Variants in LRRFIP2 observed in about 807,000 individuals in gnomAD.
LRRFIP2 encodes LRR binding FLII interacting protein 2, also known as leucine-rich repeat flightless-interacting protein 2.
In LRRFIP2, 109 loss-of-function variants were observed where a neutral mutation model predicts 125.9. The ratio of observed to expected loss-of-function variants is 0.87; its 90% confidence interval spans 0.74 to 1.01. The LOEUF (loss-of-function observed/expected upper bound fraction) is 1.01. Among genes scored for constraint, LRRFIP2 ranks in the 50% least tolerant of loss-of-function variants. The probability of loss-of-function intolerance (pLI) is 0.00; values close to 1 mark genes in which losing one functional copy is unlikely to be tolerated. For synonymous variants in LRRFIP2, 291 were observed against 293.1 expected (o/e 0.99, Z 0.07); for missense variants, 850 against 862.3 (o/e 0.99, Z 0.18).
intron 17 of LRRFIP2, among the ~76,000 whole-genome samples, chr3:37,094,055 T>A (rs1221592919): frequency 6.6e-6 from 1 of 152,220 alleles, no homozygotes; most frequent in African/African-American, 2.4e-5. Flanking sequence ...ACTACCATTG[T>A]ATAACACCAC....
At chr3:37,102,359 A>G (rs1374618380) in intron 15 of LRRFIP2, among the ~76,000 whole-genome samples, 1 of 152,132 alleles carries the variant, frequency 6.6e-6, no homozygotes, top group African/African-American at 2.4e-5. Context: ...AAATATTGAT[A>G]ATTGTTGCAG....
At chr3:37,125,726 T>C (rs1372225483) in intron 4 of LRRFIP2, among the ~76,000 whole-genome samples, 18 of 152,196 alleles carry the variant, frequency 1.2e-4, no homozygotes, top group Admixed American at 5.9e-4. Context: ...AAAGGTATTA[T>C]AATTAGGGGA....
intron 2 of LRRFIP2, among the ~76,000 whole-genome samples, chr3:37,147,420 A>C (rs1266668294): frequency 6.6e-6 from 1 of 152,258 alleles, no homozygotes; most frequent in Admixed American, 6.5e-5. Flanking sequence ...AGCACTATTC[A>C]CAACAGCAAA....
chr3:37,087,356 T>A (rs2093123094), intron 18 of LRRFIP2, among the ~76,000 whole-genome samples: 1 of 152,158 alleles, frequency 6.6e-6, no homozygotes, highest in Non-Finnish European at 1.5e-5. Flanking sequence ...AAAAAAGTCA[T>A]CACAACTCAG....
At position 37,055,135 on chromosome 3, in the gene LRRFIP2, T is replaced by C. The variant is rs753431366; in HGVS notation, c.1901A>G (p.Lys634Arg). ...RDANRQISEY[K>R]FKLSKAEQDI... Reference sequence around the variant, plus strand: ...CTGTTCTGCTTTTGAAAGCTTAAATTTGTATTCGCTAATTTGTCTATTGGC... The same window carrying C: ...CTGTTCTGCTTTTGAAAGCTTAAATCTGTATTCGCTAATTTGTCTATTGGC... The change falls in exon 26 of 28, where the codon AAA becomes AGA. Residue 634 changes from lysine to arginine, a missense_variant. By Grantham distance (26) the Lys-to-Arg change is conservative. Coordinates refer to ENST00000336686, the MANE Select transcript of LRRFIP2 (RefSeq NM_006309.4). 6.3e-7 allele frequency: 1 copy of C among 1,594,686 alleles called. No individual in the cohort carries two copies. Among genetic ancestry groups the C allele is most frequent in the South Asian group, 1.1e-5 (1 of 88,306 alleles).
At chr3:37,100,249 CAA>C (rs1161658048) in intron 15 of LRRFIP2, among the ~76,000 whole-genome samples, 2 of 151,892 alleles carry the variant, frequency 1.3e-5, no homozygotes, top group Admixed American at 6.6e-5. Context: ...CAGTTGAGCC[CAA>C]GAGTTTGAGG....
At chr3:37,098,779 T>C (rs1008226836) in intron 15 of LRRFIP2, among the ~76,000 whole-genome samples, 7 of 152,210 alleles carry the variant, frequency 4.6e-5, no homozygotes, top group African/African-American at 1.2e-4. Flanking sequence ...TTGCCCAATA[T>C]TTAATGTATT....
intron 6 of LRRFIP2, among the ~76,000 whole-genome samples, chr3:37,116,377 T>A (rs1290978929): frequency 6.6e-6 from 1 of 152,024 alleles, no homozygotes; most frequent in Non-Finnish European, 1.5e-5. Context: ...GCTCAAGCAA[T>A]TCTCCTACCT....
Position 37,114,795 on chromosome 3 carries a change from TA to T in LRRFIP2, c.372+258del, listed in dbSNP as rs538785576. ...CAGAGAGGGACCCCATCTTTAAAATTAAAAAAAAAAAAAAGATATTACTACC... is the reference window on the plus strand; with the variant it reads ...CAGAGAGGGACCCCATCTTTAAAATTAAAAAAAAAAAAAGATATTACTACC... On this transcript the variant is annotated intron_variant, in intron 7 of 27. Coordinates refer to ENST00000336686, the MANE Select transcript of LRRFIP2 (RefSeq NM_006309.4). Among the ~76,000 whole-genome samples, 1,129 of 138,830 alleles carry T rather than the reference TA, an allele frequency of 8.1e-3. 7 individuals are homozygous for T. The highest frequency in any genetic ancestry group is 0.017 in the African/African-American group (656 of 37,556). 91.1% of individuals were successfully genotyped at this position (138,830 alleles called of 152,430 possible).
intron 19 of LRRFIP2, among the ~76,000 whole-genome samples, chr3:37,077,133 T>C (rs2092159055): frequency 6.6e-6 from 1 of 152,150 alleles, no homozygotes; most frequent in Admixed American, 6.5e-5. Context: ...CAAAGGAGAC[T>C]ACAGCAGTAT....
Position 37,112,969 on chromosome 3 carries a change from G to T in LRRFIP2, c.384C>A (p.Tyr128Ter). The change falls in exon 8 of 28, where the codon TAC (tyrosine) becomes TAA (stop). Residue 128 changes from tyrosine to a stop codon, truncating the protein, a stop_gained. Coordinates refer to ENST00000336686, the MANE Select transcript of LRRFIP2 (RefSeq NM_006309.4). LOFTEE classifies it high-confidence loss of function. The stretch of plus-strand genomic sequence containing the variant: ...TCTTCTTCATTCCATGAGAGTGACT[G>T]TAAGAATGATTCTGGAAGTAAATAT... ...SSRLSSLNHS[Y>*]SHSHGMKKRS... 2 of 1,573,074 alleles carry T rather than the reference G, an allele frequency of 1.3e-6. No homozygotes were observed. Among genetic ancestry groups the T allele is most frequent in the Non-Finnish European group, 8.7e-7 (1 of 1,148,230 alleles).
intron 2 of LRRFIP2, among the ~76,000 whole-genome samples, chr3:37,130,426 C>T (rs1457217849): frequency 2.6e-5 from 4 of 152,162 alleles, no homozygotes; most frequent in Non-Finnish European, 4.4e-5. Context: ...TTCCACAGAA[C>T]AGCACAAAGG....
At chr3:37,131,564 C>A (rs2095428854) in intron 2 of LRRFIP2, among the ~76,000 whole-genome samples, 1 of 152,186 alleles carries the variant, frequency 6.6e-6, no homozygotes. Context: ...GGAATGGTTT[C>A]CTCTGTCCTT....
chr3:37,076,242 G>C (rs2091993996), intron 19 of LRRFIP2, among the ~76,000 whole-genome samples: 1 of 152,174 alleles, frequency 6.6e-6, no homozygotes, highest in Admixed American at 6.5e-5. Flanking sequence ...AAAAATTTTG[G>C]GCTGGGCATG....
At chr3:37,130,973 C>G (rs2095412776) in intron 2 of LRRFIP2, among the ~76,000 whole-genome samples, 1 of 152,124 alleles carries the variant, frequency 6.6e-6, no homozygotes, top group Non-Finnish European at 1.5e-5. Context: ...GTTTTGCTGC[C>G]GCACCTCAAA....
intron 27 of LRRFIP2, 111 bp downstream of exon 27, chr3:37,054,300 C>T: frequency 3.6e-6 from 3 of 824,972 alleles, no homozygotes; most frequent in Non-Finnish European, 5.8e-6. Context: ...AGTTAAGTGA[C>T]TCCACTGCTG....
At chr3:37,096,517 GC>G in intron 16 of LRRFIP2, 98 bp downstream of exon 16, 1 of 747,754 alleles carries the variant, frequency 1.3e-6, no homozygotes, top group Non-Finnish European at 2.3e-6. Context: ...AGGAAGAGCA[GC>G]TACATCAGAC....
intron 17 of LRRFIP2, 87 bp from the exon 18 acceptor site, chr3:37,091,625 T>C: frequency 1.1e-6 from 1 of 943,112 alleles, no homozygotes; most frequent in Non-Finnish European, 1.6e-6. Flanking sequence ...TGTGACTCAC[T>C]TTTGTATATT....
intron 18 of LRRFIP2, among the ~76,000 whole-genome samples, chr3:37,090,446 TCTCAAACTCCTGAC>T (rs1239534627): frequency 5.3e-5 from 8 of 152,096 alleles, no homozygotes; most frequent in Non-Finnish European, 1.2e-4. Context: ...GCCAGGCTGG[TCTCAAACTCCTGAC>T]CTCAGGTCAT....
Sources: allele counts gnomAD v4.1 joint callset (sites outside exome capture counted in the v4.1 genomes callset), GRCh38; gene constraint gnomAD v4.1.1; transcripts MANE v1.5; gene names NCBI Gene and HGNC (gene_info 2026-07-23, HGNC 2026-07-21).